The following NDST4 variants were observed in gnomAD, a reference collection of about 807,000 sequenced individuals.
NDST4 encodes N-heparan sulfate sulfotransferase 4.
NDST4 carries 63 observed loss-of-function variants against 100.8 expected under a neutral mutation model. That is an observed-to-expected ratio of 0.62 (90% CI 0.51 to 0.77). The LOEUF (loss-of-function observed/expected upper bound fraction) is 0.77. Ranked by LOEUF, NDST4 falls within the 30% of genes least tolerant of loss-of-function variation. The pLI is 0.00. For missense variants in NDST4, 943 were observed against 1,018.4 expected, an observed-to-expected ratio of 0.93 and a Z score of 1.01; for synonymous variants, 377 against 361.8, an observed-to-expected ratio of 1.04 and a Z score of -0.48.
chr4:114,946,685 T>C (rs547752901), intron 4 of NDST4, among the ~76,000 whole-genome samples: 1 of 152,276 alleles, frequency 6.6e-6, no homozygotes, highest in East Asian at 1.9e-4. Flanking sequence ...GAGGCAGAGT[T>C]GCTGCAAATA....
chr4:114,935,396 C>G, intron 5 of NDST4, 62 bp from the exon 6 acceptor site: 1 of 1,415,308 alleles, frequency 7.1e-7, no homozygotes, highest in Non-Finnish European at 9.3e-7. Context: ...TCACCTGTGT[C>G]TCATAACTTT....
chr4:114,917,713 C>T (rs1725203885), intron 6 of NDST4, among the ~76,000 whole-genome samples: 1 of 152,074 alleles, frequency 6.6e-6, no homozygotes, highest in African/African-American at 2.4e-5. Flanking sequence ...GGGTGCATTT[C>T]CACTACCAAA....
intron 2 of NDST4, among the ~76,000 whole-genome samples, chr4:114,981,535 C>T (rs750417): frequency 0.019 from 2,935 of 152,148 alleles, 100 homozygotes; most frequent in African/African-American, 0.066. Flanking sequence ...GAATCACCAG[C>T]ATGCTTGTAA....
intron 2 of NDST4, among the ~76,000 whole-genome samples, chr4:115,004,629 C>A (rs1727373289): frequency 6.6e-6 from 1 of 152,100 alleles, no homozygotes; most frequent in Non-Finnish European, 1.5e-5. Flanking sequence ...CTCGTCACAC[C>A]AACCACCCCT....
intron 1 of NDST4, among the ~76,000 whole-genome samples, chr4:115,079,224 T>A (rs571990696): frequency 6.6e-6 from 1 of 151,912 alleles, no homozygotes; most frequent in African/African-American, 2.4e-5. Context: ...TGGTGGTGCA[T>A]GCCTGTAGTC....
At chr4:114,988,225 A>G (rs1726954262) in intron 2 of NDST4, among the ~76,000 whole-genome samples, 1 of 152,006 alleles carries the variant, frequency 6.6e-6, no homozygotes, top group African/African-American at 2.4e-5. Flanking sequence ...TAAGTTAATG[A>G]AAACAACTTT....
chr4:114,839,347 T>C (rs371151845), intron 11 of NDST4, 31 bp downstream of exon 11: 3 of 1,569,590 alleles, frequency 1.9e-6, no homozygotes, highest in Non-Finnish European at 2.6e-6. Context: ...TATAATAAAA[T>C]AAACAGAAGA....
intron 6 of NDST4, among the ~76,000 whole-genome samples, chr4:114,901,099 T>C (rs1013166748): frequency 6.6e-6 from 1 of 152,024 alleles, no homozygotes; most frequent in East Asian, 1.9e-4. Context: ...CATGCAACCT[T>C]GAGAAGACGG....
intron 2 of NDST4, among the ~76,000 whole-genome samples, chr4:115,057,227 T>C (rs1380477797): frequency 6.6e-6 from 1 of 152,056 alleles, no homozygotes; most frequent in Non-Finnish European, 1.5e-5. Context: ...GTGCAAAGAC[T>C]GGAAAGGAAG....
At chr4:114,887,261 T>C (rs1251075223) in intron 6 of NDST4, among the ~76,000 whole-genome samples, 1 of 152,222 alleles carries the variant, frequency 6.6e-6, no homozygotes, top group Non-Finnish European at 1.5e-5. Flanking sequence ...GCAAACTCTT[T>C]GTTTAGTGTA....
At chr4:115,023,359 C>T (rs1727902284) in intron 2 of NDST4, among the ~76,000 whole-genome samples, 1 of 151,942 alleles carries the variant, frequency 6.6e-6, no homozygotes, top group Non-Finnish European at 1.5e-5. Flanking sequence ...ATGATGCATG[C>T]CTGTAATCCC....
chr4:114,986,493 C>T (rs1266300169), intron 2 of NDST4, among the ~76,000 whole-genome samples: 1 of 151,962 alleles, frequency 6.6e-6, no homozygotes, highest in Non-Finnish European at 1.5e-5. Flanking sequence ...TGGTTCTCTC[C>T]CTGAGATCAG....
At chr4:114,919,906 T>C (rs1483956720) in intron 6 of NDST4, among the ~76,000 whole-genome samples, 1 of 152,158 alleles carries the variant, frequency 6.6e-6, no homozygotes, top group Non-Finnish European at 1.5e-5. Context: ...CTGATGAATT[T>C]ATTCATTCAA....
At chr4:114,943,795 C>T (rs1725802602) in intron 4 of NDST4, among the ~76,000 whole-genome samples, 1 of 152,034 alleles carries the variant, frequency 6.6e-6, no homozygotes, top group African/African-American at 2.4e-5. Flanking sequence ...TCAAATTTCT[C>T]ATTTATAAAA....
intron 12 of NDST4, among the ~76,000 whole-genome samples, chr4:114,830,350 A>C (rs1723168299): frequency 6.6e-6 from 1 of 152,238 alleles, no homozygotes; most frequent in Non-Finnish European, 1.5e-5. Flanking sequence ...TTCTGTGAAT[A>C]TAAACATGAA....
At chr4:114,900,901 C>A (rs114786167) in intron 6 of NDST4, among the ~76,000 whole-genome samples, 7 of 152,140 alleles carry the variant, frequency 4.6e-5, no homozygotes, top group African/African-American at 1.7e-4. Context: ...TTCTTTGACC[C>A]ATGTGTTATT....
At chr4:115,079,165 C>T (rs1288372281) in intron 1 of NDST4, among the ~76,000 whole-genome samples, 1 of 151,914 alleles carries the variant, frequency 6.6e-6, no homozygotes, top group East Asian at 1.9e-4. Flanking sequence ...TCCTGGCCAA[C>T]ATGGTGAAAC....
At chr4:115,024,420 A>G (rs970424541) in intron 2 of NDST4, among the ~76,000 whole-genome samples, 31 of 150,442 alleles carry the variant, frequency 2.1e-4, no homozygotes, top group African/African-American at 7.8e-4. Flanking sequence ...AAACGTCATT[A>G]TTCTTCAGAT....
intron 3 of NDST4, among the ~76,000 whole-genome samples, chr4:114,974,338 C>T (rs1726584092): frequency 6.6e-6 from 1 of 151,824 alleles, no homozygotes; most frequent in Admixed American, 6.6e-5. Flanking sequence ...TACTGTCATG[C>T]TTGAAAGTTA....
Sources: gnomAD v4.1 joint callset for allele counts (sites outside exome capture counted in the v4.1 genomes callset) on GRCh38, gnomAD v4.1.1 for gene constraint, MANE v1.5 for transcripts, NCBI Gene and HGNC (gene_info 2026-07-23, HGNC 2026-07-21) for gene names.